FAM193A: variants seen among roughly 807,000 people sequenced by gnomAD.
The protein encoded by FAM193A is family with sequence similarity 193 member A.
In FAM193A, 22 loss-of-function variants were observed where a neutral mutation model predicts 126.5. The observed-to-expected ratio is 0.17, with a 90% CI of 0.12 to 0.25. The LOEUF is 0.25. FAM193A is among the 10% of genes least tolerant of loss of function. FAM193A has a pLI of 1.00. For synonymous variants in FAM193A, 761 were observed against 646.8 expected (o/e 1.18, Z -2.68); for missense variants, 1,675 against 1,672.8 (o/e 1.00, Z -0.02).
chr4:2,709,009 T>C (rs1718626927), intron 19 of FAM193A, among the ~76,000 whole-genome samples: 1 of 152,178 alleles, frequency 6.6e-6, no homozygotes, highest in African/African-American at 2.4e-5. Context: ...TTAAGGTTTA[T>C]ATATTATAAG....
chr4:2,701,284 CAA>C (rs60538223), intron 19 of FAM193A, among the ~76,000 whole-genome samples: 122 of 95,906 alleles, frequency 1.3e-3, no homozygotes, highest in Admixed American at 2.7e-3. Flanking sequence ...TCCTTTATAG[CAA>C]AAAAAAAAAA....
At chr4:2,728,475 G>T (rs561808853) in intron 20 of FAM193A, among the ~76,000 whole-genome samples, 1 of 151,990 alleles carries the variant, frequency 6.6e-6, no homozygotes, top group African/African-American at 2.4e-5. Context: ...TTTGTGCATA[G>T]ACTGTCAGCT....
intron 19 of FAM193A, among the ~76,000 whole-genome samples, chr4:2,702,434 C>G (rs992468722): frequency 6.6e-6 from 1 of 152,210 alleles, no homozygotes; most frequent in African/African-American, 2.4e-5. Flanking sequence ...GAGCCCTCCT[C>G]TTTCTTCAAC....
At chr4:2,721,361 G>T (rs547979970) in intron 20 of FAM193A, among the ~76,000 whole-genome samples, 2 of 147,626 alleles carry the variant, frequency 1.4e-5, no homozygotes, top group South Asian at 4.3e-4. Flanking sequence ...GGTGGTACAT[G>T]CCTGTAGTCC....
Position 2,695,172 on chromosome 4 carries a change from AAC to A in FAM193A, c.3276+48_3276+49del, listed in dbSNP as rs778499527. The A allele has an allele frequency of 5.3e-6, 8 of 1,496,504 alleles. No individual in the cohort carries two copies. In the African/African-American group the frequency reaches 7.1e-5, roughly 13 times the overall value. The allele number at this position is 1,496,504 out of a possible 1,614,324, so 92.7% of individuals were successfully genotyped here. On this transcript the variant is annotated intron_variant, in intron 17 of 20. Coordinates refer to ENST00000637812, the MANE Select transcript of FAM193A (RefSeq NM_001366318.2). ...GCGCATCATGATGTGGGAAGTGTGC[AAC>A]ACACGGGCTCCTTTGCAGAAATTCT...
intron 2 of FAM193A, among the ~76,000 whole-genome samples, chr4:2,613,562 T>C (rs1742008485): frequency 6.6e-6 from 1 of 151,606 alleles, no homozygotes; most frequent in African/African-American, 2.4e-5. Context: ...CAAGCAATTA[T>C]CCTGCCTCAG....
At chr4:2,699,518 A>G (rs907704234) in intron 18 of FAM193A, among the ~76,000 whole-genome samples, 162 bp from the exon 19 acceptor site, 2 of 150,598 alleles carry the variant, frequency 1.3e-5, no homozygotes, top group Non-Finnish European at 3.0e-5. Flanking sequence ...CTGCAGAGTA[A>G]GAGAATTGGA....
At chr4:2,630,448 C>A (rs1743447644) in intron 4 of FAM193A, among the ~76,000 whole-genome samples, 1 of 152,204 alleles carries the variant, frequency 6.6e-6, no homozygotes, top group Non-Finnish European at 1.5e-5. Context: ...CGCAGATCTG[C>A]AGCCAGGTGG....
chr4:2,609,629 T>TGGCGTAGGCCACCGTGCACGGC (rs1741741458), intron 2 of FAM193A, among the ~76,000 whole-genome samples: 1 of 152,190 alleles, frequency 6.6e-6, no homozygotes, highest in Non-Finnish European at 1.5e-5. Flanking sequence ...AAGAGTTTGC[T>TGGCGTAGGCCACCGTGCACGGC]GGCGTAGGCC....
At chr4:2,699,179 C>G (rs551348688) in intron 18 of FAM193A, among the ~76,000 whole-genome samples, 2 of 152,334 alleles carry the variant, frequency 1.3e-5, no homozygotes, top group East Asian at 3.9e-4. Flanking sequence ...CTTACATTCC[C>G]TGTTCAAGTG....
chr4:2,562,921 C>A (rs1015164239), intron 1 of FAM193A, among the ~76,000 whole-genome samples: 2 of 151,600 alleles, frequency 1.3e-5, no homozygotes, highest in Non-Finnish European at 2.9e-5. Context: ...AGCCACCACA[C>A]CTGGCGATTT....
chr4:2,563,557 C>G (rs944017784), intron 1 of FAM193A, among the ~76,000 whole-genome samples: 5 of 151,344 alleles, frequency 3.3e-5, no homozygotes, highest in Admixed American at 2.6e-4. Context: ...CCTCCCAAAA[C>G]CAAAACAAGT....
At chr4:2,686,950 T>G (rs1018857724) in intron 13 of FAM193A, among the ~76,000 whole-genome samples, 3 of 152,222 alleles carry the variant, frequency 2.0e-5, no homozygotes, top group Non-Finnish European at 2.9e-5. Flanking sequence ...TACGTTTTTT[T>G]ATTTTCCTGG....
intron 1 of FAM193A, among the ~76,000 whole-genome samples, chr4:2,541,218 G>A (rs1408190174): frequency 2.0e-5 from 3 of 151,868 alleles, no homozygotes; most frequent in Non-Finnish European, 4.4e-5. Context: ...TGTCATGCCA[G>A]CTACTCTGGA....
intron 19 of FAM193A, among the ~76,000 whole-genome samples, chr4:2,707,494 T>C (rs972412061): frequency 2.4e-4 from 37 of 152,272 alleles, no homozygotes; most frequent in African/African-American, 7.7e-4. Flanking sequence ...GTGTAAAATA[T>C]ATACTGGATT....
intron 7 of FAM193A, 88 bp from the exon 8 acceptor site, chr4:2,657,715 A>G: frequency 1.2e-6 from 1 of 801,040 alleles, no homozygotes; most frequent in Non-Finnish European, 2.1e-6. Flanking sequence ...TATCATTTTA[A>G]GAAAGTCTCC....
At chr4:2,640,406 A>G (rs1744496517) in intron 6 of FAM193A, among the ~76,000 whole-genome samples, 1 of 152,148 alleles carries the variant, frequency 6.6e-6, no homozygotes, top group Non-Finnish European at 1.5e-5. Flanking sequence ...GCAGTCACTC[A>G]CTGAGTATTT....
At chr4:2,577,606 G>T (rs1223334966) in intron 1 of FAM193A, among the ~76,000 whole-genome samples, 1 of 151,688 alleles carries the variant, frequency 6.6e-6, no homozygotes, top group African/African-American at 2.4e-5. Context: ...TTTAGTGGAG[G>T]TGGAGTTTTG....
intron 2 of FAM193A, among the ~76,000 whole-genome samples, chr4:2,611,637 T>C (rs1038732422): frequency 6.6e-6 from 1 of 152,104 alleles, no homozygotes; most frequent in African/African-American, 2.4e-5. Flanking sequence ...CATTTGTATC[T>C]CTTTGGAAAA....
Sources: allele counts gnomAD v4.1 joint callset (sites outside exome capture counted in the v4.1 genomes callset), GRCh38; gene constraint gnomAD v4.1.1; transcripts MANE v1.5; gene names NCBI Gene and HGNC (gene_info 2026-07-23, HGNC 2026-07-21).